The following UQCC1 variants were observed in gnomAD, a reference collection of about 807,000 sequenced individuals.
UQCC1 encodes bFGF-repressed Zic-binding protein.
UQCC1 carries 38 observed loss-of-function variants against 48.0 expected under a neutral mutation model. That is an observed-to-expected ratio of 0.79 (90% CI 0.61 to 1.04). The LOEUF (loss-of-function observed/expected upper bound fraction) is 1.04. Among genes scored for constraint, UQCC1 ranks in the 50% least tolerant of loss-of-function variants. The pLI is 0.00. For missense variants in UQCC1, 368 were observed against 381.8 expected (o/e 0.96, Z 0.30); for synonymous variants, 111 against 129.2 (o/e 0.86, Z 0.95).
At chr20:35,384,516 C>G (rs913192444) in intron 2 of UQCC1, 2 of 376,506 alleles carry the variant, frequency 5.3e-6, no homozygotes, top group African/African-American at 4.3e-5. Flanking sequence ...TGGTGCATGC[C>G]TATAGTCTTA....
intron 7 of UQCC1, among the ~76,000 whole-genome samples, chr20:35,317,984 G>T (rs2061081310): frequency 6.6e-6 from 1 of 152,176 alleles, no homozygotes; most frequent in African/African-American, 2.4e-5. Context: ...TCTGTCATGT[G>T]AGGATGAGAC....
chr20:35,353,322 G>A (rs530221683), intron 6 of UQCC1, among the ~76,000 whole-genome samples: 3 of 151,590 alleles, frequency 2.0e-5, no homozygotes, highest in South Asian at 2.1e-4. Flanking sequence ...ACTTGAACCC[G>A]GAGGTGGAGG....
At position 35,394,100 on chromosome 20, in the gene UQCC1, T is replaced by G. The variant is rs750581426; in HGVS notation, c.121A>C (p.Thr41Pro). The G allele has an allele frequency of 6.2e-7, 1 of 1,613,492 alleles. No homozygotes were observed. ...AGAACAACAAATCTTACCTGGGAAGTGCGAGACAGAGCCCTGTCCCCCTGT... is the reference window on the plus strand; with the variant it reads ...AGAACAACAAATCTTACCTGGGAAGGGCGAGACAGAGCCCTGTCCCCCTGT... ...QGQGDRALSR[T>P]SQWPQMSQSR... The change falls in exon 2 of 10, where the codon ACT (threonine) becomes CCT (proline). Residue 41 changes from threonine (T) to proline (P), a missense_variant. Physicochemically the swap from Thr to Pro is conservative, Grantham distance 38 (BLOSUM62 -1). Transcript: ENST00000374385.
intron 2 of UQCC1, chr20:35,384,791 C>A: frequency 3.0e-6 from 1 of 333,124 alleles, no homozygotes; most frequent in Non-Finnish European, 5.9e-6. Context: ...TATGGTGAAA[C>A]CCCATCTCTA....
intron 1 of UQCC1, among the ~76,000 whole-genome samples, chr20:35,401,685 G>C (rs2062167696): frequency 9.0e-6 from 1 of 110,836 alleles, no homozygotes; most frequent in African/African-American, 3.4e-5. Context: ...TTTTGAGACA[G>C]AGTTTCACTC....
chr20:35,303,864 G>A lies in UQCC1; in HGVS notation c.*71C>T, dbSNP rs1313369274. 1 of 1,609,368 alleles carries A rather than the reference G, an allele frequency of 6.2e-7. No individual in the cohort carries two copies. Among genetic ancestry groups the A allele is most frequent in the African/African-American group, 1.3e-5 (1 of 74,818 alleles). ...TTCAGGCCACTTTCTGCAGGGTCCTGGACCAACAGGCACTTCTCTCCTGGA... is the reference window on the plus strand; with the variant it reads ...TTCAGGCCACTTTCTGCAGGGTCCTAGACCAACAGGCACTTCTCTCCTGGA... On this transcript the variant is annotated 3_prime_UTR_variant, in exon 10 of 10. Transcript: ENST00000374385.
chr20:35,314,527 C>T (rs1273060069), intron 8 of UQCC1, among the ~76,000 whole-genome samples, 161 bp downstream of exon 8: 5 of 152,180 alleles, frequency 3.3e-5, no homozygotes, highest in African/African-American at 9.7e-5. Context: ...ATGCTCAGCA[C>T]ATTCATTCTC....
chr20:35,384,697 C>T (rs539041433), intron 2 of UQCC1: 169 of 439,324 alleles, frequency 3.8e-4, no homozygotes, highest in African/African-American at 3.3e-3. Flanking sequence ...GGCCAGGTGG[C>T]GTGGCTCACA....
intron 2 of UQCC1, among the ~76,000 whole-genome samples, chr20:35,389,683 C>G (rs1301652516): frequency 6.6e-6 from 1 of 152,138 alleles, no homozygotes; most frequent in East Asian, 1.9e-4. Flanking sequence ...GAAGAAGTGA[C>G]AGCTCTTTCT....
At chr20:35,326,276 G>C (rs577859620) in intron 7 of UQCC1, among the ~76,000 whole-genome samples, 10 of 152,306 alleles carry the variant, frequency 6.6e-5, no homozygotes, top group African/African-American at 2.4e-4. Flanking sequence ...GCCATGACTT[G>C]CATGTAATCA....
In UQCC1 at chr20:35,310,859, AT is replaced by A. The variant is rs71184065; in HGVS notation, c.651+3828del. On this transcript the variant is annotated intron_variant, in intron 8 of 9. Transcript: ENST00000374385. ...AGGCGCCCACCACCATGCCGGGCTA[AT>A]TTTTTTTTTTTTTTTTTTCAGTAGA... is the stretch of plus-strand genomic sequence containing the variant. Among the ~76,000 whole-genome samples the A allele has an allele frequency of 6.8e-3, 790 of 116,950 alleles. 7 individuals are homozygous for A. Among genetic ancestry groups the A allele is most frequent in the African/African-American group, 0.018 (541 of 30,632 alleles). 76.7% of individuals were successfully genotyped at this position (116,950 alleles called of 152,430 possible).
chr20:35,314,876 C>A, intron 7 of UQCC1, 111 bp from the exon 8 acceptor site: 1 of 727,884 alleles, frequency 1.4e-6, no homozygotes, highest in Admixed American at 2.7e-5. Flanking sequence ...AGAGAGACGG[C>A]CACTAACAAG....
chr20:35,323,252 A>G (rs2061152371), intron 7 of UQCC1, among the ~76,000 whole-genome samples: 1 of 152,260 alleles, frequency 6.6e-6, no homozygotes, highest in Admixed American at 6.5e-5. Flanking sequence ...TCATTTCTGC[A>G]CTTTGGAAAG....
At chr20:35,370,058 T>A (rs1411733717) in intron 5 of UQCC1, among the ~76,000 whole-genome samples, 1 of 152,130 alleles carries the variant, frequency 6.6e-6, no homozygotes. Context: ...AGTGTACTCA[T>A]CAGTGCAACA....
At chr20:35,339,409 G>A (rs1383862003) in intron 7 of UQCC1, among the ~76,000 whole-genome samples, 1 of 152,130 alleles carries the variant, frequency 6.6e-6, no homozygotes, top group African/African-American at 2.4e-5. Flanking sequence ...TCTTGGAGGA[G>A]GTGTTATCCA....
At chr20:35,322,265 C>T (rs1392045860) in intron 7 of UQCC1, among the ~76,000 whole-genome samples, 3 of 152,240 alleles carry the variant, frequency 2.0e-5, no homozygotes, top group East Asian at 1.9e-4. Flanking sequence ...ATCTAAAATC[C>T]GTACTGATAA....
chr20:35,335,437 G>A (rs979004379), intron 7 of UQCC1, among the ~76,000 whole-genome samples: 1 of 152,044 alleles, frequency 6.6e-6, no homozygotes, highest in South Asian at 2.1e-4. Context: ...GAATGATGTC[G>A]GTCGGGGGAG....
At chr20:35,315,519 A>T (rs936595856) in intron 7 of UQCC1, 2 of 152,302 alleles carry the variant, frequency 1.3e-5, no homozygotes, top group African/African-American at 4.8e-5. Context: ...CTGAGGAAAA[A>T]GGGGGGCCTC....
At chr20:35,354,779 T>C (rs1422178762) in intron 6 of UQCC1, among the ~76,000 whole-genome samples, 3 of 152,196 alleles carry the variant, frequency 2.0e-5, no homozygotes, top group African/African-American at 7.2e-5. Context: ...CACTAAATAT[T>C]GTAACTCTTC....
Sources: allele counts gnomAD v4.1 joint callset (sites outside exome capture counted in the v4.1 genomes callset), GRCh38; gene constraint gnomAD v4.1.1; transcripts MANE v1.5; gene names NCBI Gene and HGNC (gene_info 2026-07-23, HGNC 2026-07-21).